GALNT13: variants seen among roughly 807,000 people sequenced by gnomAD.
GALNT13 encodes the protein UDP-GalNAc:polypeptide N-acetylgalactosaminyltransferase 13.
A neutral mutation model predicts 64.2 loss-of-function variants in GALNT13; 28 were observed. That is an observed-to-expected ratio of 0.44 (90% CI 0.32 to 0.60). The LOEUF is 0.60. Among genes scored for constraint, GALNT13 ranks in the 20% least tolerant of loss-of-function variants. GALNT13 has a pLI of 0.05. For missense variants in GALNT13, 577 were observed against 669.8 expected (o/e 0.86, Z 1.53); for synonymous variants, 214 against 224.6 (o/e 0.95, Z 0.42).
the GALNT13 span, among the ~76,000 whole-genome samples, chr2:153,573,110 A>G: frequency 6.6e-6 from 1 of 151,978 alleles, no homozygotes; most frequent in African/African-American, 2.4e-5. Flanking sequence ...TGCTTTATAT[A>G]TCTGAGTGCT....
At chr2:154,063,286 C>T (rs1362576779) in intron 3 of GALNT13, among the ~76,000 whole-genome samples, 1 of 152,092 alleles carries the variant, frequency 6.6e-6, no homozygotes, top group Non-Finnish European at 1.5e-5. Flanking sequence ...CAAATGCTGA[C>T]CCATGTTTAG....
chr2:154,206,194 G>T (rs1013129158), intron 4 of GALNT13, among the ~76,000 whole-genome samples: 2 of 151,464 alleles, frequency 1.3e-5, no homozygotes, highest in African/African-American at 4.8e-5. Flanking sequence ...GTAGAGACGG[G>T]GTTTCACCAT....
the GALNT13 span, among the ~76,000 whole-genome samples, chr2:153,431,565 C>T: frequency 6.6e-6 from 1 of 152,166 alleles, no homozygotes; most frequent in East Asian, 1.9e-4. Flanking sequence ...CATCTGATTA[C>T]AAAAGACACA....
At chr2:154,215,598 A>G (rs949386487) in intron 4 of GALNT13, among the ~76,000 whole-genome samples, 1 of 152,132 alleles carries the variant, frequency 6.6e-6, no homozygotes, top group African/African-American at 2.4e-5. Context: ...TTTACTCATC[A>G]GGTTTTATGT....
chr2:154,150,550 A>C (rs374177510), intron 4 of GALNT13, among the ~76,000 whole-genome samples: 2 of 151,864 alleles, frequency 1.3e-5, no homozygotes, highest in African/African-American at 4.8e-5. Flanking sequence ...CTGTGAATCC[A>C]TCTGGTCCTG....
the GALNT13 span, among the ~76,000 whole-genome samples, chr2:153,741,260 C>A: frequency 6.6e-6 from 1 of 151,844 alleles, no homozygotes; most frequent in Admixed American, 6.6e-5. Flanking sequence ...ATGTACTTTT[C>A]TATTTCATTA....
the GALNT13 span, among the ~76,000 whole-genome samples, chr2:153,671,438 A>T: frequency 6.6e-6 from 1 of 152,188 alleles, no homozygotes; most frequent in Admixed American, 6.5e-5. Flanking sequence ...AGAATTTCAG[A>T]TCCAGCCAAA....
the GALNT13 span, among the ~76,000 whole-genome samples, chr2:153,795,999 G>C: frequency 6.6e-6 from 1 of 152,204 alleles, no homozygotes; most frequent in Non-Finnish European, 1.5e-5. Context: ...GTGCCAGAAT[G>C]CAAGTCGAGA....
At chr2:153,265,649 G>C in the GALNT13 span, among the ~76,000 whole-genome samples, 1 of 152,124 alleles carries the variant, frequency 6.6e-6, no homozygotes, top group Non-Finnish European at 1.5e-5. Context: ...TCTCTAATCT[G>C]ATTTTTGATT....
chr2:153,192,163 G>A, the GALNT13 span, among the ~76,000 whole-genome samples: 2 of 151,632 alleles, frequency 1.3e-5, no homozygotes, highest in African/African-American at 4.8e-5. Context: ...CTACTTTTTT[G>A]ATGTGGGCAT....
At chr2:153,672,835 A>G in the GALNT13 span, among the ~76,000 whole-genome samples, 1 of 151,768 alleles carries the variant, frequency 6.6e-6, no homozygotes, top group East Asian at 1.9e-4. Context: ...AAGAAATGAG[A>G]GAAGAATCAA....
intron 10 of GALNT13, among the ~76,000 whole-genome samples, chr2:154,407,440 A>G (rs1699599256): frequency 6.6e-6 from 1 of 152,102 alleles, no homozygotes; most frequent in Non-Finnish European, 1.5e-5. Context: ...AACCTATACC[A>G]TCCTATTTAC....
the GALNT13 span, among the ~76,000 whole-genome samples, chr2:153,670,930 A>T: frequency 6.6e-6 from 1 of 152,232 alleles, no homozygotes; most frequent in Admixed American, 6.5e-5. Context: ...AGCTGATTTG[A>T]TTAAGCAGAA....
At position 154,202,581 on chromosome 2, in the gene GALNT13, G is replaced by A. The variant is rs191811154; in HGVS notation, c.312-39449G>A. ...TTAGAAGGCTGGAGAAAATTTAGGAGATTTTACTTGTTATCTGATGGCTAA... is the reference window on the plus strand; with the variant it reads ...TTAGAAGGCTGGAGAAAATTTAGGAAATTTTACTTGTTATCTGATGGCTAA... On this transcript the variant is annotated intron_variant, in intron 4 of 12. Coordinates refer to ENST00000392825, the MANE Select transcript of GALNT13 (RefSeq NM_052917.4). Among the ~76,000 whole-genome samples the A allele has an allele frequency of 1.8e-3, 269 of 152,060 alleles. 3 individuals carry two copies. The highest frequency in any genetic ancestry group is 6.3e-3 in the African/African-American group (263 of 41,502).
chr2:153,192,121 G>A, the GALNT13 span, among the ~76,000 whole-genome samples: 1 of 151,600 alleles, frequency 6.6e-6, no homozygotes, highest in African/African-American at 2.4e-5. Flanking sequence ...ATTCCTTGAG[G>A]TACATCTTTA....
the GALNT13 span, among the ~76,000 whole-genome samples, chr2:153,535,967 A>G: frequency 6.6e-6 from 1 of 152,278 alleles, no homozygotes; most frequent in South Asian, 2.1e-4. Context: ...CTATCCAGTG[A>G]AAGTATCTAC....
At chr2:154,206,998 C>T (rs1687496696) in intron 4 of GALNT13, among the ~76,000 whole-genome samples, 1 of 152,112 alleles carries the variant, frequency 6.6e-6, no homozygotes, top group African/African-American at 2.4e-5. Flanking sequence ...TCAACAATCT[C>T]CTGTTATCCT....
At chr2:154,089,889 T>C (rs1311178771) in intron 3 of GALNT13, among the ~76,000 whole-genome samples, 1 of 151,860 alleles carries the variant, frequency 6.6e-6, no homozygotes. Flanking sequence ...TTCTAGATTC[T>C]GCCATCATTC....
At chr2:153,395,384 A>G in the GALNT13 span, among the ~76,000 whole-genome samples, 2 of 152,142 alleles carry the variant, frequency 1.3e-5, no homozygotes, top group African/African-American at 2.4e-5. Context: ...AACAGATCAC[A>G]TGACGTTTCT....
Sources: gnomAD v4.1 joint callset for allele counts (sites outside exome capture counted in the v4.1 genomes callset) on GRCh38, gnomAD v4.1.1 for gene constraint, MANE v1.5 for transcripts, NCBI Gene and HGNC (gene_info 2026-07-23, HGNC 2026-07-21) for gene names.